Variants in VAV3 observed in about 807,000 individuals in gnomAD.
VAV3 encodes the protein vav guanine nucleotide exchange factor 3, also known as guanine nucleotide exchange factor VAV3.
In VAV3, 94 loss-of-function variants were observed where a neutral mutation model predicts 131.2. That is an observed-to-expected ratio of 0.72 (90% CI 0.61 to 0.85). The LOEUF (loss-of-function observed/expected upper bound fraction) is 0.85. Among genes scored for constraint, VAV3 ranks in the 40% least tolerant of loss-of-function variants. The probability of loss-of-function intolerance (pLI) is 0.00; values close to 1 mark genes in which losing one functional copy is unlikely to be tolerated. For synonymous variants in VAV3, 349 were observed against 342.0 expected (o/e 1.02, Z -0.22); for missense variants, 939 against 1,002.7 (o/e 0.94, Z 0.86).
rs182126325 is a variant in VAV3, at chr1:107,609,738, C to T, written c.2015+193G>A. On this transcript the variant is annotated intron_variant, in intron 22 of 26. Transcript: ENST00000370056. ...GGCACTGGGCACTCGCATGCACACACACCCCCCTCGCAGATAAAGATATGG... is the reference window on the plus strand; with the variant it reads ...GGCACTGGGCACTCGCATGCACACATACCCCCCTCGCAGATAAAGATATGG... 9 of 573,086 alleles carry T rather than the reference C, an allele frequency of 1.6e-5. No individual in the cohort carries two copies. The East Asian group carries it at 2.2e-4, about 14-fold the overall frequency. The allele number at this position is 573,086 out of a possible 1,614,324, so 35.5% of individuals were successfully genotyped here.
chr1:107,869,356 C>G (rs1434962450), intron 2 of VAV3, among the ~76,000 whole-genome samples: 1 of 152,088 alleles, frequency 6.6e-6, no homozygotes, highest in Non-Finnish European at 1.5e-5. Flanking sequence ...ATCATTAGTT[C>G]TCTTGCACTT....
intron 1 of VAV3, among the ~76,000 whole-genome samples, chr1:107,956,101 G>A (rs1003142167): frequency 2.0e-5 from 3 of 152,232 alleles, no homozygotes; most frequent in Non-Finnish European, 4.4e-5. Flanking sequence ...TTGGCCAGGA[G>A]CACTGTTAAC....
intron 15 of VAV3, among the ~76,000 whole-genome samples, chr1:107,738,303 C>T (rs778618664): frequency 1.6e-4 from 25 of 151,964 alleles, no homozygotes; most frequent in Middle Eastern, 3.2e-3. Context: ...TGTATACATA[C>T]GTAACAAACC....
At chr1:107,906,349 A>G (rs899898787) in intron 1 of VAV3, among the ~76,000 whole-genome samples, 2 of 152,202 alleles carry the variant, frequency 1.3e-5, no homozygotes, top group Admixed American at 1.3e-4. Flanking sequence ...CATAAGCTTC[A>G]CAACTGGGAA....
intron 18 of VAV3, 33 bp from the exon 19 acceptor site, chr1:107,683,566 T>A: frequency 6.2e-7 from 1 of 1,610,986 alleles, no homozygotes; most frequent in Non-Finnish European, 8.5e-7. Flanking sequence ...GCAAAACAAA[T>A]ATGTGTTGGT....
intron 22 of VAV3, among the ~76,000 whole-genome samples, chr1:107,604,233 A>C (rs1652091307): frequency 6.6e-6 from 1 of 152,192 alleles, no homozygotes; most frequent in South Asian, 2.1e-4. Flanking sequence ...ATATAGACCC[A>C]CGTAACTTTG....
At chr1:107,882,433 G>A (rs345292) in intron 1 of VAV3, among the ~76,000 whole-genome samples, 110,859 of 152,068 alleles carry the variant, frequency 0.73, 40,634 homozygotes, top group African/African-American at 0.79. Context: ...CAGAAGAGAC[G>A]ACCATGAAAC....
At chr1:107,753,549 T>TATATATATATATATATATACAC (rs771773884) in intron 12 of VAV3, among the ~76,000 whole-genome samples, 2 of 82,070 alleles carry the variant, frequency 2.4e-5, no homozygotes, top group Admixed American at 1.2e-4. Context: ...TATATATATA[T>TATATATATATATATATATACAC]ACACACACAC....
rs746005911 is a variant in VAV3, at chr1:107,964,918, C to T, written c.-49G>A. ...TGGGCCGGGGCGGGCGGCAAGGATGCGGCCGCCGCCGCCGCCGCCGCGGTT... is the reference window on the plus strand; with the variant it reads ...TGGGCCGGGGCGGGCGGCAAGGATGTGGCCGCCGCCGCCGCCGCCGCGGTT... On this transcript the variant is annotated 5_prime_UTR_variant, in exon 1 of 27. Coordinates refer to ENST00000370056, the MANE Select transcript of VAV3 (RefSeq NM_006113.5). 7 of 1,166,426 alleles carry T rather than the reference C, an allele frequency of 6.0e-6. No individual in the cohort carries two copies. The highest frequency in any genetic ancestry group is 7.0e-5 in the Admixed American group (1 of 14,200). 72.3% of individuals were successfully genotyped at this position (1,166,426 alleles called of 1,614,324 possible).
intron 22 of VAV3, chr1:107,609,665 G>C: frequency 2.7e-6 from 1 of 376,818 alleles, no homozygotes; most frequent in Admixed American, 4.1e-5. Context: ...ATATGCGTAT[G>C]TTCCATTCCT....
At chr1:107,688,254 T>A in intron 18 of VAV3, 127 bp downstream of exon 18, 3 of 1,180,350 alleles carry the variant, frequency 2.5e-6, no homozygotes, top group Non-Finnish European at 3.5e-6. Flanking sequence ...GGTTGTTCCC[T>A]CTGTTTCTGT....
intron 1 of VAV3, among the ~76,000 whole-genome samples, chr1:107,899,913 T>C (rs1481545410): frequency 2.0e-5 from 3 of 152,334 alleles, no homozygotes; most frequent in East Asian, 3.9e-4. Flanking sequence ...GGTGGCTCTT[T>C]AGTTTCCTGA....
intron 2 of VAV3, among the ~76,000 whole-genome samples, chr1:107,802,737 T>C (rs1395037258): frequency 6.6e-6 from 1 of 152,186 alleles, no homozygotes; most frequent in African/African-American, 2.4e-5. Flanking sequence ...GAATTCAGTT[T>C]GCTAATATTG....
At chr1:107,849,765 C>T (rs889943541) in intron 2 of VAV3, among the ~76,000 whole-genome samples, 4 of 152,106 alleles carry the variant, frequency 2.6e-5, no homozygotes, top group African/African-American at 9.7e-5. Flanking sequence ...AAGAAACTAT[C>T]AACAGAGTGA....
At chr1:107,768,366 G>A in intron 7 of VAV3, 75 bp downstream of exon 7, 1 of 1,084,560 alleles carries the variant, frequency 9.2e-7, no homozygotes, top group Non-Finnish European at 1.3e-6. Flanking sequence ...ATTAAAATAG[G>A]GATCTGGAAC....
chr1:107,918,138 CCAGGTCCGAACATA>C (rs1672710864), intron 1 of VAV3, among the ~76,000 whole-genome samples: 1 of 152,246 alleles, frequency 6.6e-6, no homozygotes, highest in East Asian at 1.9e-4. Flanking sequence ...TCATGTATGT[CCAGGTCCGAACATA>C]CAGTGTGAAA....
At chr1:107,776,751 G>A (rs1031259168) in intron 4 of VAV3, among the ~76,000 whole-genome samples, 13 of 152,032 alleles carry the variant, frequency 8.6e-5, no homozygotes, top group Non-Finnish European at 8.8e-5. Context: ...GAAGATAATC[G>A]GCTGCAAGGA....
At chr1:107,820,075 A>T (rs1174540453) in intron 2 of VAV3, among the ~76,000 whole-genome samples, 5 of 152,136 alleles carry the variant, frequency 3.3e-5, no homozygotes, top group Admixed American at 6.5e-5. Flanking sequence ...TAAAAATATA[A>T]CTACCATATG....
At chr1:107,920,104 C>A (rs1334637750) in intron 1 of VAV3, among the ~76,000 whole-genome samples, 1 of 152,158 alleles carries the variant, frequency 6.6e-6, no homozygotes, top group Non-Finnish European at 1.5e-5. Context: ...ACACAGGAAA[C>A]AGTTATACTT....
Sources: gnomAD v4.1 joint callset for allele counts (sites outside exome capture counted in the v4.1 genomes callset) on GRCh38, gnomAD v4.1.1 for gene constraint, MANE v1.5 for transcripts, NCBI Gene and HGNC (gene_info 2026-07-23, HGNC 2026-07-21) for gene names.